Variants in GLIS3 observed in about 807,000 individuals in gnomAD.
The protein encoded by GLIS3 is GLIS family zinc finger 3, also known as zinc finger protein GLIS3.
GLIS3 carries 53 observed loss-of-function variants against 78.6 expected under a neutral mutation model. That is an observed-to-expected ratio of 0.67 (90% CI 0.54 to 0.85). The LOEUF is 0.85. Ranked by LOEUF, GLIS3 falls within the 40% of genes least tolerant of loss-of-function variation. GLIS3 has a pLI of 0.00. For synonymous variants in GLIS3, 684 were observed against 509.9 expected, an observed-to-expected ratio of 1.34 and a Z score of -4.60; for missense variants, 1,703 against 1,231.1, an observed-to-expected ratio of 1.38 and a Z score of -5.74.
intron 4 of GLIS3, among the ~76,000 whole-genome samples, chr9:4,041,015 T>A (rs1563977156): frequency 6.6e-6 from 1 of 152,206 alleles, no homozygotes; most frequent in East Asian, 1.9e-4. Flanking sequence ...TTCTAATGCA[T>A]GCTAAACTTT....
chr9:4,027,084 T>C (rs1823409431), intron 4 of GLIS3, among the ~76,000 whole-genome samples: 1 of 152,172 alleles, frequency 6.6e-6, no homozygotes, highest in Non-Finnish European at 1.5e-5. Flanking sequence ...CAGCAATAAA[T>C]GTGAGCCAAA....
chr9:4,263,764 T>G (rs941319368), intron 2 of GLIS3, among the ~76,000 whole-genome samples: 1 of 152,192 alleles, frequency 6.6e-6, no homozygotes, highest in Non-Finnish European at 1.5e-5. Context: ...TCTGGCCTAG[T>G]TGATCACTCC....
rs1392118831 is a variant in GLIS3, at chr9:3,824,583, A to C, written c.*3689T>G. 1.3e-5 allele frequency: 2 copies of C among 152,470 alleles called. No homozygotes were observed. The highest frequency in any genetic ancestry group is 4.8e-5 in the African/African-American group (2 of 41,462). The allele number at this position is 152,470 out of a possible 1,614,324, so 9.4% of individuals were successfully genotyped here. A position where few individuals can be genotyped will look rare whatever the true frequency, so the allele number is the denominator to read the frequency against. ...GACAAAATAACTTATGATTATATGA[A>C]ACATAACTGTGACAAATCACAAAAC... On this transcript the variant is annotated 3_prime_UTR_variant, in exon 11 of 11. Transcript: ENST00000381971.
chr9:4,380,519 T>A, the GLIS3 span, among the ~76,000 whole-genome samples: 1 of 152,194 alleles, frequency 6.6e-6, no homozygotes, highest in Non-Finnish European at 1.5e-5. Context: ...TATCAGTACA[T>A]CTCACACTTT....
chr9:3,929,481 G>A (rs951547438), intron 6 of GLIS3, among the ~76,000 whole-genome samples: 18 of 152,212 alleles, frequency 1.2e-4, no homozygotes, highest in African/African-American at 4.3e-4. Context: ...ATGAGATCCC[G>A]ACCCCTCCTC....
intron 4 of GLIS3, among the ~76,000 whole-genome samples, chr9:4,013,379 C>A (rs1253750516): frequency 6.6e-6 from 1 of 152,094 alleles, no homozygotes; most frequent in Non-Finnish European, 1.5e-5. Flanking sequence ...TTCCCAATAT[C>A]CAAGGAAGCT....
intron 2 of GLIS3, among the ~76,000 whole-genome samples, chr9:4,155,907 T>C (rs1443561161): frequency 1.3e-5 from 2 of 152,210 alleles, no homozygotes; most frequent in African/African-American, 2.4e-5. Flanking sequence ...CTCAAGATCA[T>C]AGGAACACCT....
At chr9:3,953,913 T>G (rs1588304723) in intron 4 of GLIS3, among the ~76,000 whole-genome samples, 1 of 152,030 alleles carries the variant, frequency 6.6e-6, no homozygotes, top group African/African-American at 2.4e-5. Flanking sequence ...TGTGGCTTTA[T>G]GTCTGTAGTA....
intron 2 of GLIS3, among the ~76,000 whole-genome samples, chr9:4,173,295 G>C (rs1356289007): frequency 1.3e-5 from 2 of 152,032 alleles, no homozygotes; most frequent in Non-Finnish European, 2.9e-5. Context: ...TAATGCCTTC[G>C]AGCTCAGCAA....
chr9:4,446,803 G>A, the GLIS3 span, among the ~76,000 whole-genome samples: 34 of 151,774 alleles, frequency 2.2e-4, no homozygotes, highest in South Asian at 4.6e-3. Context: ...GAGCCACTGC[G>A]CCTGGTCCCA....
chr9:4,118,435 T>C lies in GLIS3; in HGVS notation c.1043A>G (p.Tyr348Cys). ...GCCGCGCACGCCCAGGAAATGCCCG[T>C]AGACCTCCGGCTGCGGGGACAGGTT... Reference protein sequence around the residue: ...PANLSPQPEVYGHFLGVRGSC... With the variant: ...PANLSPQPEVCGHFLGVRGSC... The change falls in exon 4 of 11, where the codon TAC becomes TGC. Residue 348 changes from tyrosine (Y) to cysteine (C), a missense_variant. Coordinates refer to ENST00000381971, the MANE Select transcript of GLIS3 (RefSeq NM_001042413.2). The surrounding 1 kb of genome is among the most constrained non-coding windows in gnomAD (Gnocchi z 4.7). 6.2e-7 allele frequency: 1 copy of C among 1,612,070 alleles called. No homozygotes were observed. The highest frequency in any genetic ancestry group is 8.5e-7 in the Non-Finnish European group (1 of 1,179,972).
At position 3,909,082 on chromosome 9, in the gene GLIS3, C is replaced by T. The variant is rs145404813; in HGVS notation, c.1984-10247G>A. Among the ~76,000 whole-genome samples the T allele has an allele frequency of 2.4e-3, 367 of 152,242 alleles. 3 individuals carry two copies. Among genetic ancestry groups the T allele is most frequent in the African/African-American group, 8.5e-3 (354 of 41,544 alleles). On this transcript the variant is annotated intron_variant, in intron 6 of 10. Coordinates refer to ENST00000381971, the MANE Select transcript of GLIS3 (RefSeq NM_001042413.2). ...CCTTTGTTCTCCAGAAATCAAATGC[C>T]ACCAAAATATGTTCCAGAAGAAACG...
At chr9:4,304,201 T>C (rs1269302800), upstream of GLIS3, among the ~76,000 whole-genome samples, 2 of 152,208 alleles carry the variant, frequency 1.3e-5, no homozygotes, top group Non-Finnish European at 2.9e-5. Context: ...GACTAACAGA[T>C]GCTCTTTGAA....
chr9:4,128,695 A>G (rs1832750553), intron 2 of GLIS3, among the ~76,000 whole-genome samples: 1 of 152,224 alleles, frequency 6.6e-6, no homozygotes, highest in African/African-American at 2.4e-5. Context: ...CAGTGGGGGT[A>G]GTAATTATAA....
intron 2 of GLIS3, among the ~76,000 whole-genome samples, chr9:4,324,190 C>G (rs1016973591): frequency 6.6e-6 from 1 of 152,152 alleles, no homozygotes; most frequent in Non-Finnish European, 1.5e-5. Context: ...ATCACTTTAT[C>G]TTTATTTATG....
intron 2 of GLIS3, among the ~76,000 whole-genome samples, chr9:4,257,335 G>C (rs1211323247): frequency 6.6e-6 from 1 of 152,058 alleles, no homozygotes. Context: ...GTGGGGTGGG[G>C]ATGTGAGATG....
At chr9:4,050,386 G>C (rs573186762) in intron 4 of GLIS3, among the ~76,000 whole-genome samples, 6 of 152,016 alleles carry the variant, frequency 3.9e-5, no homozygotes, top group Non-Finnish European at 8.8e-5. Context: ...TCACAGGTGG[G>C]AATTGAACAA....
intron 6 of GLIS3, among the ~76,000 whole-genome samples, chr9:3,911,776 G>C (rs12348571): frequency 6.6e-6 from 1 of 152,118 alleles, no homozygotes; most frequent in African/African-American, 2.4e-5. Context: ...CATGAGATAA[G>C]AAAGCATTTC....
intron 4 of GLIS3, among the ~76,000 whole-genome samples, chr9:4,082,514 A>G (rs926478556): frequency 2.0e-5 from 3 of 152,222 alleles, no homozygotes; most frequent in Non-Finnish European, 2.9e-5. Flanking sequence ...AACCTATCTT[A>G]TGAGACTATT....
Sources: allele counts gnomAD v4.1 joint callset (sites outside exome capture counted in the v4.1 genomes callset), GRCh38; gene constraint gnomAD v4.1.1; non-coding constraint Gnocchi (gnomAD v3.1); transcripts MANE v1.5; gene names NCBI Gene and HGNC (gene_info 2026-07-23, HGNC 2026-07-21).